The following DST variants were observed in gnomAD, a reference collection of about 807,000 sequenced individuals.
The protein encoded by DST is dystonin, also known as bullous pemphigoid antigen.
In DST, 253 loss-of-function variants were observed where a neutral mutation model predicts 875.2. The observed-to-expected ratio is 0.29, with a 90% confidence interval of 0.26 to 0.32. The LOEUF (loss-of-function observed/expected upper bound fraction) is 0.32. DST is among the 10% of genes least tolerant of loss of function. The pLI is 1.00. For missense variants in DST, 8,287 were observed against 9,111.6 expected (o/e 0.91, Z 3.68); for synonymous variants, 3,124 against 3,197.1 (o/e 0.98, Z 0.77).
intron 3 of DST, among the ~76,000 whole-genome samples, chr6:56,862,685 T>C (rs1185779608): frequency 1.3e-5 from 2 of 152,078 alleles, no homozygotes; most frequent in African/African-American, 4.8e-5. Context: ...GCAGTTACTG[T>C]AATGGTCCAG....
At chr6:56,770,358 C>T (rs1309399927) in intron 4 of DST, among the ~76,000 whole-genome samples, 1 of 152,048 alleles carries the variant, frequency 6.6e-6, no homozygotes. Context: ...ATTTTTGGAC[C>T]TAATGTTATC....
chr6:56,605,470 A>G lies in DST; in HGVS notation c.9158T>C (p.Met3053Thr), dbSNP rs1471079885. The change falls in exon 40 of 104, where the codon ATG becomes ACG. Residue 3053 changes from methionine to threonine, a missense_variant. Transcript: ENST00000680361. ...LIEDETSIQK[M>T]YLGEGEVLVE... ...AAGCACTTCTCCTTCACCCAAGTAC[A>G]TTTTCTGAATTGATGTTTCATCTTC... is the stretch of plus-strand genomic sequence containing the variant. 6.2e-7 allele frequency: 1 copy of G among 1,612,762 alleles called. No individual in the cohort carries two copies. Among genetic ancestry groups the G allele is most frequent in the Non-Finnish European group, 8.5e-7 (1 of 1,179,316 alleles).
chr6:56,735,059 TC>T lies in DST; in HGVS notation c.687+168del. On this transcript the variant is annotated intron_variant, in intron 5 of 103. Coordinates refer to ENST00000680361, the MANE Select transcript of DST (RefSeq NM_001374736.1). ...TATCCACCTCCATCATTACCCACCG[TC>T]CACACACCAAATAATTATAGATGCC... The T allele has an allele frequency of 5.0e-6, 3 of 601,152 alleles. No individual in the cohort carries two copies. In the South Asian group the frequency reaches 5.8e-5, roughly 12 times the overall value. 37.2% of individuals were successfully genotyped at this position (601,152 alleles called of 1,614,324 possible).
intron 2 of DST, among the ~76,000 whole-genome samples, chr6:56,918,001 A>C (rs1321370528): frequency 6.6e-6 from 1 of 152,176 alleles, no homozygotes; most frequent in Non-Finnish European, 1.5e-5. Context: ...AATCACTGTG[A>C]TGTTAGTTCC....
In DST at chr6:56,639,776, A is replaced by G. The variant is rs771920823; in HGVS notation, c.2620-3T>C. The G allele has an allele frequency of 2.5e-6, 4 of 1,612,388 alleles. No individual in the cohort carries two copies. The highest frequency in any genetic ancestry group is 3.4e-6 in the Non-Finnish European group (4 of 1,178,596). ...TTAAGAGGTGCTGTCATTTGAATCT[A>G]TAACATGAGATTAAAAAGACACTCC... is the stretch of plus-strand genomic sequence containing the variant. On this transcript the variant is annotated splice_polypyrimidine_tract_variant and splice_region_variant and intron_variant, in intron 19 of 103. Coordinates refer to ENST00000680361, the MANE Select transcript of DST (RefSeq NM_001374736.1).
chr6:56,941,154 T>C (rs1409196641), intron 2 of DST, among the ~76,000 whole-genome samples: 1 of 152,180 alleles, frequency 6.6e-6, no homozygotes, highest in African/African-American at 2.4e-5. Flanking sequence ...TTTTAGACTT[T>C]CCTTCTTTTC....
At position 56,608,860 on chromosome 6, in the gene DST, G is replaced by C; in HGVS notation, c.5768C>G (p.Pro1923Arg). ...TAAAGAAACCTTCTCAGAGGTGCAGGGGTCAATAAGATCTTTGCACATATT... is the reference window on the plus strand; with the variant it reads ...TAAAGAAACCTTCTCAGAGGTGCAGCGGTCAATAAGATCTTTGCACATATT... ...RQNMCKDLID[P>R]CTSEKVSLID... is the part of the protein sequence containing the mutation. Residue 1923 changes from proline (P) to arginine (R), a missense_variant, in exon 40 of 104, where the codon CCC becomes CGC. By Grantham distance (103) the Pro-to-Arg change is moderately radical (BLOSUM62 -2). Transcript: ENST00000680361. The C allele has an allele frequency of 1.2e-6, 2 of 1,613,338 alleles. No individual in the cohort carries two copies. Among genetic ancestry groups the C allele is most frequent in the Non-Finnish European group, 1.7e-6 (2 of 1,179,638 alleles).
chr6:56,464,885 G>C, intron 99 of DST, 129 bp from the exon 100 acceptor site: 1 of 672,320 alleles, frequency 1.5e-6, no homozygotes, highest in African/African-American at 1.8e-5. Flanking sequence ...TAGAAGAAAA[G>C]TTGCATCAGG....
chr6:56,751,169 A>AT (rs1358083496), intron 4 of DST, among the ~76,000 whole-genome samples: 5 of 152,166 alleles, frequency 3.3e-5, no homozygotes, highest in African/African-American at 1.2e-4. Context: ...AATAGTCAAT[A>AT]TTTTTTAGCT....
chr6:56,768,615 C>G (rs560714071), intron 4 of DST, among the ~76,000 whole-genome samples: 1 of 152,196 alleles, frequency 6.6e-6, no homozygotes, highest in African/African-American at 2.4e-5. Flanking sequence ...AAAAGAAAAT[C>G]TAGATGACCC....
At chr6:56,624,652 A>G (rs2098717944) in intron 35 of DST, 24 bp from the exon 36 acceptor site, 2 of 1,459,128 alleles carry the variant, frequency 1.4e-6, no homozygotes, top group Non-Finnish European at 1.9e-6. Flanking sequence ...AAAAAATAAT[A>G]AAAGCATTAC....
intron 90 of DST, among the ~76,000 whole-genome samples, chr6:56,481,357 TTTG>T (rs1406593345): frequency 1.3e-5 from 2 of 152,200 alleles, no homozygotes; most frequent in South Asian, 2.1e-4. Flanking sequence ...TTAAAAAACA[TTTG>T]TTAAGAGATA....
intron 61 of DST, among the ~76,000 whole-genome samples, chr6:56,546,593 A>T (rs1054499337): frequency 2.6e-5 from 4 of 151,818 alleles, no homozygotes; most frequent in African/African-American, 9.7e-5. Flanking sequence ...GTGAGCACAG[A>T]CATTTTCTTG....
At chr6:56,477,576 C>T in intron 90 of DST, 88 bp from the exon 91 acceptor site, 1 of 1,528,648 alleles carries the variant, frequency 6.5e-7, no homozygotes, top group Non-Finnish European at 9.0e-7. Context: ...CAGAATTAAA[C>T]AAATAAACAA....
At chr6:56,835,887 T>A (rs1251171234) in intron 4 of DST, among the ~76,000 whole-genome samples, 2 of 152,226 alleles carry the variant, frequency 1.3e-5, no homozygotes, top group African/African-American at 2.4e-5. Flanking sequence ...TTGACAATTC[T>A]TTCCAGGAAA....
chr6:56,645,786 G>A (rs908640311), intron 15 of DST, 80 bp downstream of exon 15: 6 of 1,528,074 alleles, frequency 3.9e-6, no homozygotes, highest in Non-Finnish European at 5.3e-6. Flanking sequence ...GTAAACAGAG[G>A]TTTAACTTAA....
chr6:56,679,894 A>G (rs964550531), intron 9 of DST, among the ~76,000 whole-genome samples: 2 of 152,188 alleles, frequency 1.3e-5, no homozygotes, highest in Non-Finnish European at 2.9e-5. Context: ...CATAAGTAAG[A>G]ACCCCCTTCT....
intron 8 of DST, 59 bp downstream of exon 8, chr6:56,701,829 T>C (rs1207433418): frequency 1.9e-6 from 2 of 1,065,804 alleles, no homozygotes; most frequent in African/African-American, 3.2e-5. Context: ...GACATGTTTC[T>C]ACGTGGATGT....
intron 1 of DST, among the ~76,000 whole-genome samples, chr6:56,954,201 C>T (rs186255476): frequency 6.8e-4 from 103 of 152,264 alleles, no homozygotes; most frequent in African/African-American, 2.2e-3. Context: ...CCCTCGGCAT[C>T]GCCGTGGTTA....
Sources: gnomAD v4.1 joint callset for allele counts (sites outside exome capture counted in the v4.1 genomes callset) on GRCh38, gnomAD v4.1.1 for gene constraint, MANE v1.5 for transcripts, NCBI Gene and HGNC (gene_info 2026-07-23, HGNC 2026-07-21) for gene names.